Variants in SIPA1L3 observed in about 807,000 individuals in gnomAD.
The protein encoded by SIPA1L3 is signal induced proliferation associated 1 like 3.
SIPA1L3 carries 59 observed loss-of-function variants against 150.1 expected under a neutral mutation model. The ratio of observed to expected loss-of-function variants is 0.39; its 90% CI spans 0.32 to 0.49. The LOEUF is 0.49. SIPA1L3 is among the 20% of genes least tolerant of loss of function. The probability of loss-of-function intolerance (pLI) is 0.86; values close to 1 mark genes in which losing one functional copy is unlikely to be tolerated. For synonymous variants in SIPA1L3, 1,070 were observed against 1,077.6 expected, an observed-to-expected ratio of 0.99 and a Z score of 0.14; for missense variants, 2,211 against 2,489.5, an observed-to-expected ratio of 0.89 and a Z score of 2.38.
intron 12 of SIPA1L3, among the ~76,000 whole-genome samples, chr19:38,144,751 C>A (rs574337874): frequency 1.1e-4 from 17 of 152,264 alleles, no homozygotes; most frequent in African/African-American, 3.9e-4. Flanking sequence ...TGTAGTCAGC[C>A]CTTGCTGACT....
intron 1 of SIPA1L3, among the ~76,000 whole-genome samples, chr19:37,947,454 AC>A (rs2046722419): frequency 1.3e-5 from 2 of 150,744 alleles, no homozygotes; most frequent in African/African-American, 4.9e-5. Flanking sequence ...GCGCCTCTGC[AC>A]TCCAGCCTGG....
chr19:37,995,504 A>T (rs1482121981), intron 1 of SIPA1L3, among the ~76,000 whole-genome samples: 4 of 152,098 alleles, frequency 2.6e-5, no homozygotes, highest in African/African-American at 9.7e-5. Flanking sequence ...CAGCGTGGTG[A>T]GTAGATGAGC....
chr19:38,033,673 ATGTGTGTG>A (rs55896571), intron 2 of SIPA1L3, among the ~76,000 whole-genome samples: 6 of 29,500 alleles, frequency 2.0e-4, no homozygotes, highest in Admixed American at 5.2e-4. Context: ...AGAGATACGT[ATGTGTGTG>A]TGTGTGTGTG....
At chr19:37,925,319 T>C (rs992088128) in intron 1 of SIPA1L3, among the ~76,000 whole-genome samples, 3 of 151,956 alleles carry the variant, frequency 2.0e-5, no homozygotes, top group African/African-American at 7.3e-5. Context: ...GTGGAGGGTG[T>C]TGAAATTTTG....
In SIPA1L3 at chr19:38,111,126, A is replaced by G. The variant is rs1489236736; in HGVS notation, c.2291+742A>G. Among the ~76,000 whole-genome samples the G allele has an allele frequency of 3.3e-5, 5 of 151,600 alleles. No homozygotes were observed. The East Asian group carries it at 9.7e-4, about 29-fold the overall frequency. ...GCAGCCTTGACCCCCCCGGGCTCAA[A>G]CGATCCTCCTGCCTCAGCCTCCTGA... On this transcript the variant is annotated intron_variant, in intron 8 of 21. Coordinates refer to ENST00000222345, the MANE Select transcript of SIPA1L3 (RefSeq NM_015073.3).
chr19:38,155,952 A>T (rs935953430), intron 13 of SIPA1L3, among the ~76,000 whole-genome samples: 2 of 151,942 alleles, frequency 1.3e-5, no homozygotes, highest in African/African-American at 4.8e-5. Flanking sequence ...GTGATGGTGC[A>T]TGCCTATAAT....
chr19:38,106,696 C>A, intron 7 of SIPA1L3, 56 bp downstream of exon 7: 1 of 1,172,238 alleles, frequency 8.5e-7, no homozygotes, highest in Non-Finnish European at 1.3e-6. Context: ...CACCCACCAG[C>A]ATTGGCCCTC....
chr19:38,105,881 C>G (rs779848273), intron 6 of SIPA1L3, among the ~76,000 whole-genome samples: 1 of 152,112 alleles, frequency 6.6e-6, no homozygotes, highest in African/African-American at 2.4e-5. Flanking sequence ...GGCTGTGGTC[C>G]AAGGAAAGGA....
chr19:38,134,251 T>C (rs576056667), intron 10 of SIPA1L3, among the ~76,000 whole-genome samples: 43 of 151,004 alleles, frequency 2.8e-4, no homozygotes, highest in Middle Eastern at 3.4e-3. Flanking sequence ...CCCAGAGTGC[T>C]AGGATTACAG....
intron 20 of SIPA1L3, among the ~76,000 whole-genome samples, chr19:38,202,279 G>A (rs995110419): frequency 8.5e-5 from 13 of 152,250 alleles, no homozygotes; most frequent in Admixed American, 2.0e-4. Flanking sequence ...CAGTTGTTTC[G>A]CTTCCAACTT....
intron 1 of SIPA1L3, among the ~76,000 whole-genome samples, chr19:37,924,545 G>A (rs879767811): frequency 6.6e-6 from 1 of 151,754 alleles, no homozygotes; most frequent in Non-Finnish European, 1.5e-5. Flanking sequence ...GGGCATAGTG[G>A]CAGGCGTCTG....
intron 1 of SIPA1L3, among the ~76,000 whole-genome samples, chr19:38,018,755 A>G (rs1450616887): frequency 6.6e-6 from 1 of 152,106 alleles, no homozygotes; most frequent in Non-Finnish European, 1.5e-5. Context: ...GGTTCTCACC[A>G]CTGAACTTAT....
At chr19:37,917,945 C>T (rs1354874631) in intron 1 of SIPA1L3, among the ~76,000 whole-genome samples, 1 of 151,872 alleles carries the variant, frequency 6.6e-6, no homozygotes, top group African/African-American at 2.4e-5. Flanking sequence ...GTCAAGGCTG[C>T]AGTGAGCCGT....
At chr19:38,188,880 G>A (rs1174575136) in intron 16 of SIPA1L3, among the ~76,000 whole-genome samples, 6 of 150,392 alleles carry the variant, frequency 4.0e-5, no homozygotes, top group South Asian at 2.1e-4. Context: ...CCAAGATTGC[G>A]CCACTGCACT....
At chr19:37,963,772 C>T (rs2046879821) in intron 1 of SIPA1L3, 1 of 152,166 alleles carries the variant, frequency 6.6e-6, no homozygotes, top group Non-Finnish European at 1.5e-5. Context: ...AGCTCCTCTC[C>T]ACTTCCCCAT....
chr19:37,946,155 CAAA>C (rs35985422), intron 1 of SIPA1L3, among the ~76,000 whole-genome samples: 2 of 135,014 alleles, frequency 1.5e-5, no homozygotes, highest in Non-Finnish European at 1.6e-5. Context: ...GACTTTGTCT[CAAA>C]AAAAAAAAAT....
chr19:37,927,036 TA>T (rs2046509924), intron 1 of SIPA1L3, among the ~76,000 whole-genome samples: 1 of 151,396 alleles, frequency 6.6e-6, no homozygotes, highest in Non-Finnish European at 1.5e-5. Flanking sequence ...ATTCAGAGGG[TA>T]CATGTGAAGG....
intron 1 of SIPA1L3, among the ~76,000 whole-genome samples, chr19:37,953,589 G>A (rs1367383351): frequency 6.6e-6 from 1 of 152,162 alleles, no homozygotes; most frequent in African/African-American, 2.4e-5. Context: ...GGTGAAGGAG[G>A]GGCGAAAGCC....
chr19:37,935,395 G>A (rs945366784), intron 1 of SIPA1L3, among the ~76,000 whole-genome samples: 1 of 152,132 alleles, frequency 6.6e-6, no homozygotes, highest in Non-Finnish European at 1.5e-5. Flanking sequence ...CTTTAGTTAG[G>A]GACTATGCTT....
Sources: gnomAD v4.1 joint callset for allele counts (sites outside exome capture counted in the v4.1 genomes callset) on GRCh38, gnomAD v4.1.1 for gene constraint, MANE v1.5 for transcripts, NCBI Gene and HGNC (gene_info 2026-07-23, HGNC 2026-07-21) for gene names.